Variants in PSD3 observed in about 807,000 individuals in gnomAD.
PSD3 encodes the protein PH and SEC7 domain-containing protein 3.
A neutral mutation model predicts 105.5 loss-of-function variants in PSD3; 49 were observed. The observed-to-expected ratio is 0.46, with a 90% CI of 0.37 to 0.59. The LOEUF (loss-of-function observed/expected upper bound fraction) is 0.59. Among genes scored for constraint, PSD3 ranks in the 20% least tolerant of loss-of-function variants. PSD3 has a pLI of 0.00. For missense variants in PSD3, 1,561 were observed against 1,263.8 expected (o/e 1.24, Z -3.57); for synonymous variants, 557 against 457.8 (o/e 1.22, Z -2.77).
chr8:18,573,273 C>T (rs574041830), intron 13 of PSD3, among the ~76,000 whole-genome samples: 6 of 152,278 alleles, frequency 3.9e-5, no homozygotes, highest in South Asian at 4.1e-4. Flanking sequence ...AGTTCAAGAC[C>T]AGCCTGGCCA....
intron 9 of PSD3, among the ~76,000 whole-genome samples, chr8:18,709,950 GC>G (rs1203336723): frequency 3.9e-5 from 6 of 152,148 alleles, no homozygotes; most frequent in African/African-American, 1.4e-4. Flanking sequence ...CCAAATGATT[GC>G]ACCACCTCTC....
chr8:18,653,812 T>C (rs777540888), intron 10 of PSD3, among the ~76,000 whole-genome samples: 4 of 152,044 alleles, frequency 2.6e-5, no homozygotes, highest in Non-Finnish European at 4.4e-5. Flanking sequence ...CAAGAGTATA[T>C]GTATTTGTTT....
At chr8:18,973,480 T>C (rs1446385687) in intron 1 of PSD3, among the ~76,000 whole-genome samples, 2 of 152,160 alleles carry the variant, frequency 1.3e-5, no homozygotes, top group Non-Finnish European at 2.9e-5. Flanking sequence ...CCTGTGTGTA[T>C]ACACTCTGGT....
At chr8:18,798,362 A>G (rs776423755) in intron 8 of PSD3, among the ~76,000 whole-genome samples, 6 of 152,086 alleles carry the variant, frequency 3.9e-5, no homozygotes, top group Admixed American at 2.0e-4. Context: ...TTCTATCACT[A>G]TATCTCCTGT....
intron 9 of PSD3, among the ~76,000 whole-genome samples, chr8:18,744,943 T>C (rs190880401): frequency 1.9e-4 from 29 of 152,332 alleles, no homozygotes; most frequent in Admixed American, 1.6e-3. Context: ...AGTTATTATA[T>C]AGAATATCTT....
chr8:18,967,245 T>C (rs1381213141), intron 1 of PSD3, among the ~76,000 whole-genome samples: 1 of 151,812 alleles, frequency 6.6e-6, no homozygotes, highest in Non-Finnish European at 1.5e-5. Flanking sequence ...AACCCCTGCC[T>C]CCCAGGTTCA....
intron 11 of PSD3, among the ~76,000 whole-genome samples, chr8:18,605,863 G>C (rs528511428): frequency 9.7e-4 from 148 of 152,240 alleles, no homozygotes; most frequent in African/African-American, 3.5e-3. Context: ...CATGTGAAGT[G>C]GTGCTCCCCC....
chr8:18,754,911 T>C (rs562295443), intron 9 of PSD3, among the ~76,000 whole-genome samples: 1 of 152,254 alleles, frequency 6.6e-6, no homozygotes, highest in East Asian at 1.9e-4. Flanking sequence ...AATACCATGT[T>C]CAGGATAGAA....
chr8:18,693,129 CT>C (rs1366825826), intron 9 of PSD3, among the ~76,000 whole-genome samples: 2 of 152,190 alleles, frequency 1.3e-5, no homozygotes, highest in Non-Finnish European at 2.9e-5. Flanking sequence ...GAAGACAGGG[CT>C]ATTTCAAACA....
intron 12 of PSD3, among the ~76,000 whole-genome samples, chr8:18,580,931 T>C (rs543289924): frequency 6.6e-6 from 1 of 152,272 alleles, no homozygotes; most frequent in South Asian, 2.1e-4. Context: ...CAATCATCTC[T>C]AGGGCAGTTC....
At chr8:18,649,288 C>A (rs921721654) in intron 10 of PSD3, among the ~76,000 whole-genome samples, 3 of 152,188 alleles carry the variant, frequency 2.0e-5, no homozygotes, top group African/African-American at 7.2e-5. Flanking sequence ...GCCTTGGGAG[C>A]CCACTCCTCA....
intron 10 of PSD3, among the ~76,000 whole-genome samples, chr8:18,645,736 G>A (rs1274875251): frequency 2.0e-5 from 3 of 152,098 alleles, no homozygotes; most frequent in Admixed American, 2.0e-4. Context: ...ATTTCAATGA[G>A]GTGTAATGAG....
intron 4 of PSD3, among the ~76,000 whole-genome samples, chr8:18,816,116 G>A (rs938758597): frequency 6.6e-6 from 1 of 151,964 alleles, no homozygotes; most frequent in African/African-American, 2.4e-5. Context: ...GATTAACAGG[G>A]GACGTTTCCA....
At chr8:18,989,455 G>C (rs1397961087) in intron 1 of PSD3, 1 of 152,082 alleles carries the variant, frequency 6.6e-6, no homozygotes, top group South Asian at 2.1e-4. Flanking sequence ...ACATGTAGAA[G>C]AGCATCAAAG....
intron 2 of PSD3, among the ~76,000 whole-genome samples, chr8:18,898,475 T>C (rs565627846): frequency 1.3e-5 from 2 of 152,276 alleles, no homozygotes; most frequent in South Asian, 4.1e-4. Flanking sequence ...TACTTTCACA[T>C]TCAGTCTACA....
intron 2 of PSD3, among the ~76,000 whole-genome samples, chr8:18,925,623 C>T (rs541246597): frequency 6.6e-6 from 1 of 152,014 alleles, no homozygotes; most frequent in African/African-American, 2.4e-5. Flanking sequence ...CAAAAAAGTG[C>T]CCATAGACAA....
intron 1 of PSD3, among the ~76,000 whole-genome samples, chr8:18,937,374 G>T (rs879089231): frequency 3.3e-5 from 5 of 152,116 alleles, no homozygotes; most frequent in Admixed American, 6.5e-5. Context: ...ATTCACTTTG[G>T]GGGAGAGAAG....
chr8:18,776,692 G>A (rs1038868784), intron 8 of PSD3, among the ~76,000 whole-genome samples: 2 of 152,100 alleles, frequency 1.3e-5, no homozygotes, highest in South Asian at 4.1e-4. Context: ...TTCTTTAAAT[G>A]TCTGACAGAA....
intron 4 of PSD3, among the ~76,000 whole-genome samples, chr8:18,820,137 C>T (rs1812570706): frequency 6.7e-6 from 1 of 149,458 alleles, no homozygotes; most frequent in South Asian, 2.1e-4. Context: ...CAAGAGAAAG[C>T]ACTGTGTCAT....
Sources: allele counts gnomAD v4.1 joint callset (sites outside exome capture counted in the v4.1 genomes callset), GRCh38; gene constraint gnomAD v4.1.1; transcripts MANE v1.5; gene names NCBI Gene and HGNC (gene_info 2026-07-23, HGNC 2026-07-21).